DNM3: variants seen among roughly 807,000 people sequenced by gnomAD.
DNM3 encodes the protein dynamin 3.
Under a neutral mutation model 101.6 loss-of-function variants are expected in DNM3, and 47 were observed. That is an observed-to-expected ratio of 0.46 (90% CI 0.37 to 0.59). DNM3 has a LOEUF of 0.59. Ranked by LOEUF, DNM3 falls within the 20% of genes least tolerant of loss-of-function variation. DNM3 has a pLI of 0.00. For missense variants in DNM3, 849 were observed against 1,085.7 expected (o/e 0.78, Z 3.06); for synonymous variants, 385 against 387.9 (o/e 0.99, Z 0.09).
intron 14 of DNM3, among the ~76,000 whole-genome samples, chr1:172,205,197 G>A (rs1232882703): frequency 2.6e-5 from 4 of 152,014 alleles, no homozygotes; most frequent in African/African-American, 9.7e-5. Flanking sequence ...TTTTATCAGG[G>A]CATAATCTTT....
Position 171,982,531 on chromosome 1 carries a change from A to G in DNM3, c.236-5125A>G, listed in dbSNP as rs1198413801. ...AAAAGTACTTTGTGGTTCCTGCCCTATCGGTTTTCCAGATAGGCTGGGCAG... is the reference window on the plus strand; with the variant it reads ...AAAAGTACTTTGTGGTTCCTGCCCTGTCGGTTTTCCAGATAGGCTGGGCAG... On this transcript the variant is annotated intron_variant, in intron 2 of 20. Transcript: ENST00000627582. 3.3e-5 allele frequency among the ~76,000 whole-genome samples: 5 copies of G among 151,966 alleles called. No homozygotes were observed. The East Asian group carries it at 7.7e-4, about 23-fold the overall frequency.
In DNM3 at chr1:172,218,090, A is replaced by T. The variant is rs187625439; in HGVS notation, c.1660-35483A>T. On this transcript the variant is annotated intron_variant, in intron 14 of 20. Transcript: ENST00000627582. ...TTTCCTACATGTTTGAGGGTTTCAAAAGTGTCCTTTTCATTTGTGGAATTT... is the reference window on the plus strand; with the variant it reads ...TTTCCTACATGTTTGAGGGTTTCAATAGTGTCCTTTTCATTTGTGGAATTT... 4.8e-3 allele frequency among the ~76,000 whole-genome samples: 726 copies of T among 152,274 alleles called. 13 individuals are homozygous for T. Among genetic ancestry groups the T allele is most frequent in the African/African-American group, 0.016 (678 of 41,570 alleles).
chr1:171,986,409 A>G (rs2045259644), intron 2 of DNM3, among the ~76,000 whole-genome samples: 1 of 152,122 alleles, frequency 6.6e-6, no homozygotes, highest in South Asian at 2.1e-4. Context: ...ATGATTCTGT[A>G]TTGTTATCTT....
chr1:171,942,089 G>C (rs191251399), intron 2 of DNM3, among the ~76,000 whole-genome samples: 1 of 152,014 alleles, frequency 6.6e-6, no homozygotes, highest in Non-Finnish European at 1.5e-5. Flanking sequence ...TGATTCACAA[G>C]ACTAGTACAG....
rs115862174 is a variant in DNM3, at chr1:171,878,329, A to G, written c.161+36512A>G. ...CTGTTGTATCTCTCCATGGCAGTTA[A>G]TAAGGTACTTTGTACAAATTGAAGA... On this transcript the variant is annotated intron_variant, in intron 1 of 20. Coordinates refer to ENST00000627582, the MANE Select transcript of DNM3 (RefSeq NM_015569.5). 3.0e-3 allele frequency among the ~76,000 whole-genome samples: 456 copies of G among 152,176 alleles called. 4 individuals carry two copies. The highest frequency in any genetic ancestry group is 0.01 in the African/African-American group (418 of 41,550).
In DNM3 at chr1:171,985,918, A is replaced by G. The variant is rs147236785; in HGVS notation, c.236-1738A>G. Among the ~76,000 whole-genome samples, 454 of 152,338 alleles carry G rather than the reference A, an allele frequency of 3.0e-3. 1 individual carries two copies. Among genetic ancestry groups the G allele is most frequent in the Non-Finnish European group, 4.8e-3 (329 of 68,024 alleles). The stretch of plus-strand genomic sequence containing the variant: ...ACAAACTTAGGGTGCTGACACTCAC[A>G]TTAATGCACACGGCCTTTTCACAGC... On this transcript the variant is annotated intron_variant, in intron 2 of 20. Transcript: ENST00000627582.
chr1:171,981,063 G>A (rs974790903), intron 2 of DNM3, among the ~76,000 whole-genome samples: 3 of 152,110 alleles, frequency 2.0e-5, no homozygotes, highest in Non-Finnish European at 4.4e-5. Flanking sequence ...CACCGTGCCC[G>A]GCCTACAGAT....
chr1:172,313,579 G>A (rs2065171687), intron 16 of DNM3, among the ~76,000 whole-genome samples: 1 of 152,054 alleles, frequency 6.6e-6, no homozygotes, highest in South Asian at 2.1e-4. Context: ...ACTCACAGTT[G>A]GATCCTGAGC....
chr1:172,221,586 T>C (rs1277051858), intron 14 of DNM3, among the ~76,000 whole-genome samples: 4 of 152,140 alleles, frequency 2.6e-5, no homozygotes, highest in Non-Finnish European at 5.9e-5. Flanking sequence ...TAATACTAAG[T>C]AAACATCTGC....
chr1:172,071,297 C>T (rs964196765), intron 11 of DNM3, among the ~76,000 whole-genome samples: 2 of 151,774 alleles, frequency 1.3e-5, no homozygotes, highest in Admixed American at 1.3e-4. Flanking sequence ...GAGCAGGCAT[C>T]TCCCTACTAA....
At chr1:172,279,944 A>C (rs1453646898) in intron 15 of DNM3, among the ~76,000 whole-genome samples, 1 of 151,946 alleles carries the variant, frequency 6.6e-6, no homozygotes, top group Non-Finnish European at 1.5e-5. Flanking sequence ...AAGTCCGTGT[A>C]TTTTTCCATC....
At chr1:172,179,041 T>C (rs1206119639) in intron 14 of DNM3, among the ~76,000 whole-genome samples, 1 of 152,022 alleles carries the variant, frequency 6.6e-6, no homozygotes, top group Non-Finnish European at 1.5e-5. Flanking sequence ...GTTATCTGTG[T>C]GTACTTTGAA....
chr1:171,988,212 C>T (rs527922150), intron 3 of DNM3, among the ~76,000 whole-genome samples: 1 of 152,116 alleles, frequency 6.6e-6, no homozygotes, highest in East Asian at 1.9e-4. Context: ...TGACTTTTTC[C>T]CCCAGACTAT....
intron 2 of DNM3, among the ~76,000 whole-genome samples, chr1:171,955,510 A>G (rs1299173456): frequency 6.6e-6 from 1 of 152,162 alleles, no homozygotes; most frequent in African/African-American, 2.4e-5. Context: ...AAAGACTTAA[A>G]TGGTACAATG....
intron 14 of DNM3, among the ~76,000 whole-genome samples, chr1:172,154,290 T>C (rs996298788): frequency 2.2e-5 from 3 of 139,504 alleles, no homozygotes; most frequent in Admixed American, 7.3e-5. Context: ...ACCTTCCTAG[T>C]TTACATTATA....
intron 13 of DNM3, among the ~76,000 whole-genome samples, chr1:172,128,942 G>A (rs1403899078): frequency 6.6e-6 from 1 of 152,116 alleles, no homozygotes; most frequent in Non-Finnish European, 1.5e-5. Flanking sequence ...CTGTTCCAGG[G>A]AGCATGCAAG....
chr1:172,061,971 G>C (rs189412904), intron 10 of DNM3, among the ~76,000 whole-genome samples: 3 of 152,208 alleles, frequency 2.0e-5, no homozygotes, highest in Admixed American at 2.0e-4. Context: ...ATAGGCTTTA[G>C]TGCCCAGGCT....
chr1:171,855,208 T>C (rs2125015683), intron 1 of DNM3, among the ~76,000 whole-genome samples: 2 of 152,306 alleles, frequency 1.3e-5, no homozygotes, highest in East Asian at 3.9e-4. Context: ...AAGAACATGA[T>C]CTCATTCCTT....
In DNM3 at chr1:171,871,432, T is replaced by G. The variant is rs868667293; in HGVS notation, c.161+29615T>G. On this transcript the variant is annotated intron_variant, in intron 1 of 20. Transcript: ENST00000627582. The stretch of plus-strand genomic sequence containing the variant: ...TTGGTGTTTCTGGATAAAACAGGAT[T>G]AGGATCCAGCCCAGATAATTTCACC... 2.6e-5 allele frequency among the ~76,000 whole-genome samples: 4 copies of G among 152,318 alleles called. 1 individual carries two copies. Among genetic ancestry groups the G allele is most frequent in the Middle Eastern group, 6.8e-3 (2 of 294 alleles).
Sources: gnomAD v4.1 joint callset for allele counts (sites outside exome capture counted in the v4.1 genomes callset) on GRCh38, gnomAD v4.1.1 for gene constraint, MANE v1.5 for transcripts, NCBI Gene and HGNC (gene_info 2026-07-23, HGNC 2026-07-21) for gene names.